Variants in RORB observed in about 807,000 individuals in gnomAD.
RORB encodes the protein nuclear receptor ROR-beta.
Under a neutral mutation model 59.1 loss-of-function variants are expected in RORB, and 6 were observed. The ratio of observed to expected loss-of-function variants is 0.10; its 90% confidence interval spans 0.06 to 0.20. The LOEUF (loss-of-function observed/expected upper bound fraction) is 0.20, where lower values mean the gene tolerates loss of function less well. Among genes scored for constraint, RORB ranks in the 10% least tolerant of loss-of-function variants. The probability of loss-of-function intolerance (pLI) is 1.00; values close to 1 mark genes in which losing one functional copy is unlikely to be tolerated. For missense variants in RORB, 320 were observed against 560.5 expected (o/e 0.57, Z 4.33); for synonymous variants, 215 against 204.5 (o/e 1.05, Z -0.44).
At chr9:74,559,927 A>G (rs1323834761) in intron 1 of RORB, among the ~76,000 whole-genome samples, 1 of 152,178 alleles carries the variant, frequency 6.6e-6, no homozygotes, top group African/African-American at 2.4e-5. Context: ...AAGATCTAAG[A>G]ATTCCACATA....
At chr9:74,625,834 G>C (rs1057029342) in intron 1 of RORB, among the ~76,000 whole-genome samples, 27 of 152,112 alleles carry the variant, frequency 1.8e-4, no homozygotes, top group African/African-American at 6.0e-4. Context: ...GAGTTGGAAG[G>C]GTGAGAATTG....
intron 1 of RORB, among the ~76,000 whole-genome samples, chr9:74,547,880 T>C (rs947402902): frequency 6.6e-6 from 1 of 152,348 alleles, no homozygotes; most frequent in African/African-American, 2.4e-5. Context: ...TTAAAAATCC[T>C]GGCTGCAGAA....
chr9:74,588,108 T>G (rs1321588469), intron 1 of RORB, among the ~76,000 whole-genome samples: 1 of 152,162 alleles, frequency 6.6e-6, no homozygotes, highest in Non-Finnish European at 1.5e-5. Context: ...AAGACAATTT[T>G]CAAAATATTT....
chr9:74,532,750 T>G (rs1398645048), intron 1 of RORB, among the ~76,000 whole-genome samples: 1 of 148,542 alleles, frequency 6.7e-6, no homozygotes, highest in Admixed American at 6.8e-5. Flanking sequence ...CATATACATT[T>G]TTTCTATATA....
At chr9:74,510,326 C>A (rs1203900877) in intron 1 of RORB, among the ~76,000 whole-genome samples, 1 of 152,052 alleles carries the variant, frequency 6.6e-6, no homozygotes, top group Non-Finnish European at 1.5e-5. Flanking sequence ...TCAGGTGATC[C>A]TCTTTGTTTT....
At chr9:74,551,284 A>T (rs2118165372) in intron 1 of RORB, among the ~76,000 whole-genome samples, 1 of 152,312 alleles carries the variant, frequency 6.6e-6, no homozygotes, top group African/African-American at 2.4e-5. Context: ...TTTTCACTTA[A>T]AGCACTTTAT....
chr9:74,633,790 C>T (rs1042762380), intron 2 of RORB, among the ~76,000 whole-genome samples: 5 of 152,182 alleles, frequency 3.3e-5, no homozygotes, highest in African/African-American at 1.2e-4. Context: ...AGACATCTTA[C>T]ACTGAGTAGC....
At chr9:74,676,251 T>C (rs1047591068) in intron 9 of RORB, among the ~76,000 whole-genome samples, 7 of 152,210 alleles carry the variant, frequency 4.6e-5, no homozygotes, top group Admixed American at 1.3e-4. Context: ...ATTAGAGTCA[T>C]GAAATATTGT....
At chr9:74,587,615 G>T (rs1244797272) in intron 1 of RORB, among the ~76,000 whole-genome samples, 1 of 152,192 alleles carries the variant, frequency 6.6e-6, no homozygotes, top group Non-Finnish European at 1.5e-5. Context: ...GGATGATCCA[G>T]GATGGCCTTA....
intron 1 of RORB, among the ~76,000 whole-genome samples, chr9:74,573,231 A>C (rs991684544): frequency 6.6e-6 from 1 of 152,104 alleles, no homozygotes; most frequent in African/African-American, 2.4e-5. Context: ...ACATCTTGTA[A>C]AGAATTCACA....
At chr9:74,619,225 C>T (rs1482518591) in intron 1 of RORB, among the ~76,000 whole-genome samples, 2 of 152,172 alleles carry the variant, frequency 1.3e-5, no homozygotes, top group African/African-American at 4.8e-5. Context: ...TTGAAACTTG[C>T]TCACTTTCCA....
Position 74,573,958 on chromosome 9 carries a change from T to G in RORB, c.8-56324T>G, listed in dbSNP as rs189981243. ...GTCTGTGGTCAGGATAGGGTTTCAGTAAGGCTAGAGGCACCCTCTCGGAAT... is the reference window on the plus strand; with the variant it reads ...GTCTGTGGTCAGGATAGGGTTTCAGGAAGGCTAGAGGCACCCTCTCGGAAT... On this transcript the variant is annotated intron_variant, in intron 1 of 9. Transcript: ENST00000376896. Among the ~76,000 whole-genome samples, 80 of 152,190 alleles carry G rather than the reference T, an allele frequency of 5.3e-4. 1 individual carries two copies. The highest frequency in any genetic ancestry group is 4.9e-3 in the Admixed American group (75 of 15,266).
At position 74,642,516 on chromosome 9, in the gene RORB, G is replaced by A; in HGVS notation, c.338G>A (p.Gly113Glu). ...CAGGAACAGCGGCAGCAGCAGAGTG[G>A]GGAGGCAGAAGCCCTTGCCAGGGTG... ...RLQEQRQQQS[G>E]EAEALARVYS... The change falls in exon 4 of 10, where the codon GGG becomes GAG. Residue 113 changes from glycine to glutamate, a missense_variant. This residue lies in a region of RORB where 134 missense variants were observed against 156.2 expected (regional missense o/e 0.86). Transcript: ENST00000376896. 1 of 1,614,224 alleles carries A rather than the reference G, an allele frequency of 6.2e-7. No homozygotes were observed. Among genetic ancestry groups the A allele is most frequent in the Non-Finnish European group, 8.5e-7 (1 of 1,180,046 alleles).
At chr9:74,634,219 C>A (rs1177431055) in intron 2 of RORB, among the ~76,000 whole-genome samples, 1 of 152,164 alleles carries the variant, frequency 6.6e-6, no homozygotes, top group African/African-American at 2.4e-5. Flanking sequence ...ACTTCAAGTT[C>A]CTCACCACCA....
chr9:74,607,109 G>T (rs1407250194), intron 1 of RORB, among the ~76,000 whole-genome samples: 1 of 152,144 alleles, frequency 6.6e-6, no homozygotes, highest in Non-Finnish European at 1.5e-5. Context: ...AGCTCATCCT[G>T]CGATGTTGCA....
chr9:74,662,293 G>C (rs1190554745), intron 5 of RORB, among the ~76,000 whole-genome samples, 181 bp from the exon 6 acceptor site: 1 of 152,102 alleles, frequency 6.6e-6, no homozygotes, highest in Non-Finnish European at 1.5e-5. Context: ...GTCCAAACAG[G>C]TCAAAATATT....
In RORB at chr9:74,606,221, C is replaced by T. The variant is rs184297842; in HGVS notation, c.8-24061C>T. Among the ~76,000 whole-genome samples the T allele has an allele frequency of 4.6e-5, 7 of 152,246 alleles. No homozygotes were observed. In the East Asian group the frequency reaches 1.4e-3, roughly 29 times the overall value. On this transcript the variant is annotated intron_variant, in intron 1 of 9. Transcript: ENST00000376896. ...TATTACTACTGTTTAATTCTATGGA[C>T]CCTGGAGAGATCAGAAAATGAAGAC...
chr9:74,671,793 A>T lies in RORB; in HGVS notation c.1116A>T (p.Arg372=), dbSNP rs780173972. The change falls in exon 9 of 10, where the codon CGA becomes CGT. Residue 372 remains arginine, a synonymous_variant. Transcript: ENST00000376896. ...FSSAVLISPD[R]AWLIEPRKVQ... ...ACCCACTCTTTCTTTCATCAGACCG[A>T]GCCTGGCTTATAGAACCAAGGAAAG... 8.1e-6 allele frequency: 13 copies of T among 1,608,414 alleles called. No individual in the cohort carries two copies. In the African/African-American group the frequency reaches 1.3e-4, roughly 17 times the overall value.
chr9:74,540,115 C>A (rs552275316), intron 1 of RORB, among the ~76,000 whole-genome samples: 1 of 152,230 alleles, frequency 6.6e-6, no homozygotes, highest in East Asian at 1.9e-4. Flanking sequence ...AAATAACTTG[C>A]ACTGAAAACG....
Sources: allele counts gnomAD v4.1 joint callset (sites outside exome capture counted in the v4.1 genomes callset), GRCh38; gene constraint gnomAD v4.1.1; regional missense constraint gnomAD v4.1.1; transcripts MANE v1.5; gene names NCBI Gene and HGNC (gene_info 2026-07-23, HGNC 2026-07-21).